Variants in CCDC39 observed in about 807,000 individuals in gnomAD.
CCDC39 encodes the protein coiled-coil domain 39 molecular ruler complex subunit.
In CCDC39, 113 loss-of-function variants were observed where a neutral mutation model predicts 121.0. That is an observed-to-expected ratio of 0.93 (90% CI 0.80 to 1.09). CCDC39 has a LOEUF of 1.09. Among genes scored for constraint, CCDC39 ranks in the 50% least tolerant of loss-of-function variants. The probability of loss-of-function intolerance (pLI) is 0.00; values close to 1 mark genes in which losing one functional copy is unlikely to be tolerated. For synonymous variants in CCDC39, 349 were observed against 352.2 expected (o/e 0.99, Z 0.10); for missense variants, 1,063 against 1,074.7 (o/e 0.99, Z 0.15).
In CCDC39 at chr3:180,614,200, T is replaced by C. The variant is rs1015821869; in HGVS notation, c.*721A>G. 9.4e-5 allele frequency: 15 copies of C among 159,866 alleles called. No homozygotes were observed. The highest frequency in any genetic ancestry group is 8.0e-4 in the Admixed American group (13 of 16,300). The allele number at this position is 159,866 out of a possible 1,614,324, so 9.9% of individuals were successfully genotyped here. ...TACCTAGCTTTCATTAAATCGTTTA[T>C]TAAATCAAGAAAATTTCAAAATTGT... is the stretch of plus-strand genomic sequence containing the variant. On this transcript the variant is annotated 3_prime_UTR_variant, in exon 20 of 20. Transcript: ENST00000476379.
intron 13 of CCDC39, among the ~76,000 whole-genome samples, chr3:180,634,367 C>T (rs1273609014): frequency 6.6e-6 from 1 of 152,142 alleles, no homozygotes; most frequent in Non-Finnish European, 1.5e-5. Flanking sequence ...CAGTCCATCT[C>T]CCATGGATCA....
chr3:180,663,050 T>C (rs746381412), intron 2 of CCDC39, among the ~76,000 whole-genome samples: 31 of 152,300 alleles, frequency 2.0e-4, no homozygotes, highest in Admixed American at 8.5e-4. Flanking sequence ...CAAGTTTTAA[T>C]TTTTATTATA....
chr3:180,619,652 GAA>G (rs34645691), intron 15 of CCDC39, among the ~76,000 whole-genome samples, 157 bp downstream of exon 15: 4 of 150,678 alleles, frequency 2.7e-5, no homozygotes, highest in East Asian at 2.0e-4. Flanking sequence ...AAACCACTTA[GAA>G]AAAAAAATGT....
At chr3:180,662,184 G>T (rs2108430283) in intron 2 of CCDC39, among the ~76,000 whole-genome samples, 177 bp from the exon 3 acceptor site, 1 of 152,154 alleles carries the variant, frequency 6.6e-6, no homozygotes, top group South Asian at 2.1e-4. Context: ...AATATAGTTG[G>T]TGTTGCTCAC....
chr3:180,676,469 C>A (rs1185235018), intron 1 of CCDC39, among the ~76,000 whole-genome samples: 1 of 152,064 alleles, frequency 6.6e-6, no homozygotes, highest in Non-Finnish European at 1.5e-5. Flanking sequence ...GTTAGAATGG[C>A]GATCATTAAA....
At chr3:180,633,926 T>C (rs1410230867) in intron 13 of CCDC39, among the ~76,000 whole-genome samples, 4 of 152,130 alleles carry the variant, frequency 2.6e-5, no homozygotes, top group Non-Finnish European at 4.4e-5. Flanking sequence ...TGGAGTGTCC[T>C]GCAGAGGCTC....
intron 1 of CCDC39, among the ~76,000 whole-genome samples, chr3:180,672,676 T>C (rs1252399473): frequency 1.3e-5 from 2 of 152,188 alleles, no homozygotes; most frequent in East Asian, 1.9e-4. Flanking sequence ...AAGAGATTAA[T>C]GTTTTCATGC....
intron 1 of CCDC39, among the ~76,000 whole-genome samples, chr3:180,666,296 A>G (rs2108432079): frequency 6.6e-6 from 1 of 152,162 alleles, no homozygotes; most frequent in East Asian, 1.9e-4. Context: ...ATGCATTAAG[A>G]TTTTGTTTTG....
Position 180,659,776 on chromosome 3 carries a change from T to C in CCDC39, c.517-7A>G. ...CTAATTGCAGAGTCAGTGCCTATGA[T>C]GTAATTATATACAGATACTTATAAT... On this transcript the variant is annotated splice_polypyrimidine_tract_variant and splice_region_variant and intron_variant, in intron 4 of 19. Coordinates refer to ENST00000476379, the MANE Select transcript of CCDC39 (RefSeq NM_181426.2). The C allele has an allele frequency of 6.4e-7, 1 of 1,564,752 alleles. No homozygotes were observed. The highest frequency in any genetic ancestry group is 8.8e-7 in the Non-Finnish European group (1 of 1,138,826).
intron 13 of CCDC39, among the ~76,000 whole-genome samples, chr3:180,638,659 AAAG>A (rs1560085846): frequency 1.3e-5 from 2 of 152,124 alleles, no homozygotes; most frequent in African/African-American, 2.4e-5. Flanking sequence ...GGGAAAAGGA[AAAG>A]AAGAGGTAAG....
At chr3:180,635,053 GGGAGGCCTCT>G (rs1304983669) in intron 13 of CCDC39, among the ~76,000 whole-genome samples, 1 of 152,126 alleles carries the variant, frequency 6.6e-6, no homozygotes, top group Non-Finnish European at 1.5e-5. Context: ...CACATGTCTG[GGGAGGCCTCT>G]GGAAACATAT....
chr3:180,645,912 C>G (rs1268739489), intron 11 of CCDC39, among the ~76,000 whole-genome samples: 2 of 152,096 alleles, frequency 1.3e-5, no homozygotes, highest in Admixed American at 6.6e-5. Context: ...CATCCCCACA[C>G]AGCAAAACAG....
In CCDC39 at chr3:180,679,258, C is replaced by G; in HGVS notation, c.90+33G>C. The G allele has an allele frequency of 1.3e-6, 2 of 1,583,444 alleles. No individual in the cohort carries two copies. Among genetic ancestry groups the G allele is most frequent in the East Asian group, 2.2e-5 (1 of 44,752 alleles). The stretch of plus-strand genomic sequence containing the variant: ...AGAAAACGCCCCCAACAGGCTCTCT[C>G]TGCTTCCTCCCGCCTGCTTCAATTG... On this transcript the variant is annotated intron_variant, in intron 1 of 19. Transcript: ENST00000476379. The surrounding 1 kb of genome is among the most constrained non-coding windows in gnomAD (Gnocchi z 4.0).
rs781474629 is a variant in CCDC39, at chr3:180,616,889, A to G, written c.2343T>C (p.Tyr781=). 2.4e-5 allele frequency: 38 copies of G among 1,586,738 alleles called. No homozygotes were observed. Among genetic ancestry groups the G allele is most frequent in the Non-Finnish European group, 3.0e-5 (35 of 1,157,538 alleles). The change falls in exon 17 of 20, where the codon TAT becomes TAC. Residue 781 remains tyrosine (Y), a synonymous_variant. Coordinates refer to ENST00000476379, the MANE Select transcript of CCDC39 (RefSeq NM_181426.2). ...VKEKLSEKQA[Y]SFQLSKETEE... ...CCGTTTCTTTACTTAGTTGAAATGA[A>G]TAAGCCTGCTTCTCTGATAACTTTT...
chr3:180,619,506 A>G (rs1717364136), intron 15 of CCDC39, 141 bp from the exon 16 acceptor site: 6 of 624,922 alleles, frequency 9.6e-6, no homozygotes, highest in Non-Finnish European at 1.7e-5. Context: ...CACTATGGGC[A>G]TGTAGTAGCC....
chr3:180,632,633 A>G (rs1252246309), intron 13 of CCDC39, among the ~76,000 whole-genome samples: 6 of 152,188 alleles, frequency 3.9e-5, no homozygotes, highest in African/African-American at 1.4e-4. Context: ...ATAAAAAAAG[A>G]TTAAAAAAAA....
chr3:180,660,780 A>AT, intron 3 of CCDC39, 52 bp from the exon 4 acceptor site: 1 of 1,513,574 alleles, frequency 6.6e-7, no homozygotes. Context: ...ATTACTTACT[A>AT]TACAGACTAA....
chr3:180,631,724 G>A (rs1717702902), intron 13 of CCDC39, 132 bp from the exon 14 acceptor site: 6 of 726,294 alleles, frequency 8.3e-6, no homozygotes, highest in African/African-American at 3.6e-5. Context: ...TTGTTCTCAC[G>A]TTTTAATTTA....
intron 14 of CCDC39, among the ~76,000 whole-genome samples, chr3:180,629,531 T>C (rs1717645299): frequency 6.6e-6 from 1 of 152,242 alleles, no homozygotes; most frequent in Non-Finnish European, 1.5e-5. Context: ...CACCTTGGTA[T>C]CACCATGCAC....
Sources: gnomAD v4.1 joint callset for allele counts (sites outside exome capture counted in the v4.1 genomes callset) on GRCh38, gnomAD v4.1.1 for gene constraint, Gnocchi (gnomAD v3.1) non-coding constraint, MANE v1.5 for transcripts, NCBI Gene and HGNC (gene_info 2026-07-23, HGNC 2026-07-21) for gene names.